The following RPTOR variants were observed in gnomAD, a reference collection of about 807,000 sequenced individuals.
RPTOR encodes regulatory associated protein of MTOR complex 1.
A neutral mutation model predicts 169.9 loss-of-function variants in RPTOR; 21 were observed. The ratio of observed to expected loss-of-function variants is 0.12; its 90% CI spans 0.09 to 0.18. The LOEUF (loss-of-function observed/expected upper bound fraction) is 0.18, where lower values mean the gene tolerates loss of function less well. RPTOR is among the 10% of genes least tolerant of loss of function. The probability of loss-of-function intolerance (pLI) is 1.00; values close to 1 mark genes in which losing one functional copy is unlikely to be tolerated. For synonymous variants in RPTOR, 732 were observed against 753.2 expected, an observed-to-expected ratio of 0.97 and a Z score of 0.46; for missense variants, 1,133 against 1,855.9, an observed-to-expected ratio of 0.61 and a Z score of 7.16.
intron 13 of RPTOR, among the ~76,000 whole-genome samples, chr17:80,877,864 C>T (rs1210397488): frequency 6.6e-6 from 1 of 152,206 alleles, no homozygotes; most frequent in Non-Finnish European, 1.5e-5. Flanking sequence ...CCCCATCGTG[C>T]TCAGCTCTCA....
intron 7 of RPTOR, chr17:80,804,293 G>A (rs1401220522): frequency 6.6e-6 from 1 of 152,286 alleles, no homozygotes; most frequent in African/African-American, 2.4e-5. Context: ...GAGAAGGCGG[G>A]CGAGCACTCC....
At chr17:80,801,732 C>G (rs566177908) in intron 7 of RPTOR, 3 of 152,310 alleles carry the variant, frequency 2.0e-5, no homozygotes, top group East Asian at 3.9e-4. Context: ...CCAGTCACTG[C>G]TGAGATGAGT....
chr17:80,851,887 C>T (rs2067797101), intron 11 of RPTOR, among the ~76,000 whole-genome samples: 1 of 152,230 alleles, frequency 6.6e-6, no homozygotes, highest in Admixed American at 6.5e-5. Flanking sequence ...TAGAAACAGC[C>T]TTGTCCTTAT....
chr17:80,875,668 T>C (rs944547139), intron 13 of RPTOR, among the ~76,000 whole-genome samples: 14 of 152,270 alleles, frequency 9.2e-5, no homozygotes, highest in Non-Finnish European at 4.4e-5. Flanking sequence ...CTGCCGGGTC[T>C]TCCACCAAGC....
At chr17:80,629,329 C>T (rs1164715863) in intron 2 of RPTOR, among the ~76,000 whole-genome samples, 1 of 151,490 alleles carries the variant, frequency 6.6e-6, no homozygotes, top group Non-Finnish European at 1.5e-5. Flanking sequence ...ACTCAGCTCT[C>T]TATGTATTGT....
chr17:80,735,423 A>G (rs538804007), intron 5 of RPTOR, among the ~76,000 whole-genome samples: 1 of 152,244 alleles, frequency 6.6e-6, no homozygotes, highest in Non-Finnish European at 1.5e-5. Flanking sequence ...AGAGAAAAAA[A>G]GAGAATTCAA....
intron 23 of RPTOR, 40 bp downstream of exon 23, chr17:80,923,713 G>A (rs569910040): frequency 2.0e-6 from 3 of 1,514,718 alleles, no homozygotes; most frequent in African/African-American, 2.8e-5. Context: ...GACACTGAGA[G>A]CGTTGCTTCT....
rs1199371629 is a variant in RPTOR at position 80,936,882 on chromosome 17, C to T, written c.2920-3614C>T. Among the ~76,000 whole-genome samples the T allele has an allele frequency of 1.3e-5, 2 of 152,196 alleles. No homozygotes were observed. Among genetic ancestry groups the T allele is most frequent in the Non-Finnish European group, 1.5e-5 (1 of 68,054 alleles). The stretch of plus-strand genomic sequence containing the variant: ...AGCTTCTCCCCCCTCCACAGCTTGG[C>T]GATTTGTGGTAACACAAAGGCTGTG... On this transcript the variant is annotated intron_variant, in intron 24 of 33. Transcript: ENST00000306801. The surrounding 1 kb of genome is among the most constrained non-coding windows in gnomAD (Gnocchi z 4.1).
intron 1 of RPTOR, among the ~76,000 whole-genome samples, chr17:80,553,855 C>T (rs1779395322): frequency 6.6e-6 from 1 of 152,046 alleles, no homozygotes; most frequent in Admixed American, 6.5e-5. Flanking sequence ...AATTCTCCTG[C>T]CTCAGCCTCC....
chr17:80,585,351 C>T (rs1213258397), intron 1 of RPTOR, among the ~76,000 whole-genome samples: 10 of 151,890 alleles, frequency 6.6e-5, no homozygotes, highest in Admixed American at 1.3e-4. Context: ...ATTATAGGCA[C>T]GCGCCACCTC....
At chr17:80,761,060 C>G (rs7223405) in intron 6 of RPTOR, among the ~76,000 whole-genome samples, 51 of 152,280 alleles carry the variant, frequency 3.3e-4, no homozygotes, top group African/African-American at 1.1e-3. Context: ...TGAGCAATGA[C>G]ATTACTTTCC....
At chr17:80,564,412 G>A (rs1353184958) in intron 1 of RPTOR, among the ~76,000 whole-genome samples, 2 of 152,122 alleles carry the variant, frequency 1.3e-5, no homozygotes, top group Non-Finnish European at 1.5e-5. Flanking sequence ...ATTGCTGGGA[G>A]ATAGAGAATA....
At chr17:80,706,438 C>A (rs1028683566) in intron 3 of RPTOR, among the ~76,000 whole-genome samples, 27 of 152,228 alleles carry the variant, frequency 1.8e-4, no homozygotes, top group African/African-American at 5.8e-4. Context: ...CTGTCTCCTC[C>A]TTGGCCCGTT....
intron 1 of RPTOR, among the ~76,000 whole-genome samples, chr17:80,585,166 TTTATTA>T (rs150653828): frequency 0.14 from 19,803 of 141,378 alleles, 1,477 homozygotes; most frequent in South Asian, 0.2. Flanking sequence ...AGTGCTTTGG[TTTATTA>T]TTATTATTAT....
chr17:80,903,084 A>G (rs1224708983), intron 20 of RPTOR, among the ~76,000 whole-genome samples: 1 of 152,222 alleles, frequency 6.6e-6, no homozygotes, highest in Admixed American at 6.5e-5. Flanking sequence ...ATGAGTTACC[A>G]TAGAAATGGA....
At chr17:80,964,228 T>G in intron 33 of RPTOR, 34 bp from the exon 34 acceptor site, 1 of 976,636 alleles carries the variant, frequency 1.0e-6, no homozygotes, top group Admixed American at 1.9e-5. Context: ...TGCCCGCACC[T>G]GAACCCCTGC....
At chr17:80,765,226 C>A (rs2066774219) in intron 6 of RPTOR, among the ~76,000 whole-genome samples, 2 of 152,178 alleles carry the variant, frequency 1.3e-5, no homozygotes, top group African/African-American at 2.4e-5. Context: ...CGTCCAGGGC[C>A]TCTGAACACT....
chr17:80,700,733 A>G lies in RPTOR; in HGVS notation c.349-7108A>G, dbSNP rs371038623. ...GATGGTGGTGGTGGTGGTGGTGATG[A>G]TGGTGGTGGTGGTGGTGGTGATGAT... On this transcript the variant is annotated intron_variant, in intron 3 of 33. Coordinates refer to ENST00000306801, the MANE Select transcript of RPTOR (RefSeq NM_020761.3). Among the ~76,000 whole-genome samples the G allele has an allele frequency of 9.4e-3, 70 of 7,428 alleles. 5 individuals are homozygous for G. The highest frequency in any genetic ancestry group is 0.012 in the African/African-American group (19 of 1,608). 4.9% of individuals were successfully genotyped at this position (7,428 alleles called of 152,430 possible).
At chr17:80,594,988 CAG>C (rs1568324943) in intron 1 of RPTOR, among the ~76,000 whole-genome samples, 2 of 149,134 alleles carry the variant, frequency 1.3e-5, no homozygotes, top group Non-Finnish European at 3.0e-5. Flanking sequence ...GCCTGAGAGT[CAG>C]AGAGAGAGAG....
Sources: allele counts gnomAD v4.1 joint callset (sites outside exome capture counted in the v4.1 genomes callset), GRCh38; gene constraint gnomAD v4.1.1; non-coding constraint Gnocchi (gnomAD v3.1); transcripts MANE v1.5; gene names NCBI Gene and HGNC (gene_info 2026-07-23, HGNC 2026-07-21).